LILRB1: variants seen among roughly 807,000 people sequenced by gnomAD.
LILRB1 encodes the protein leukocyte immunoglobulin-like receptor subfamily B member 1.
In LILRB1, 59 loss-of-function variants were observed where a neutral mutation model predicts 74.6. The observed-to-expected ratio is 0.79, with a 90% confidence interval of 0.64 to 0.98. The LOEUF (loss-of-function observed/expected upper bound fraction) is 0.98. LILRB1 is among the 50% of genes least tolerant of loss of function. The probability of loss-of-function intolerance (pLI) is 0.00; values close to 1 mark genes in which losing one functional copy is unlikely to be tolerated. For missense variants in LILRB1, 804 were observed against 822.6 expected (o/e 0.98, Z 0.28); for synonymous variants, 328 against 333.9 (o/e 0.98, Z 0.19).
intron 6 of LILRB1, 53 bp downstream of exon 6, chr19:54,632,813 CG>C: frequency 7.7e-7 from 1 of 1,294,048 alleles, no homozygotes; most frequent in Non-Finnish European, 1.0e-6. Flanking sequence ...CAGGCCCTGC[CG>C]GGGGAGCTCA....
Position 54,637,006 on chromosome 19 carries a change from T to C in LILRB1, c.*128T>C. On this transcript the variant is annotated 3_prime_UTR_variant, in exon 15 of 15. Transcript: ENST00000324602. Reference sequence around the variant, plus strand: ...AGGAGACTCTGGGAACTTTTAGGGGTCACTCAATTCTGCAGTATAAATAAC... The same window carrying C: ...AGGAGACTCTGGGAACTTTTAGGGGCCACTCAATTCTGCAGTATAAATAAC... 9.1e-7 allele frequency: 1 copy of C among 1,094,352 alleles called. No individual in the cohort carries two copies. The highest frequency in any genetic ancestry group is 1.6e-5 in the African/African-American group (1 of 63,186). 67.8% of individuals were successfully genotyped at this position (1,094,352 alleles called of 1,614,324 possible). A position where few individuals can be genotyped will look rare whatever the true frequency, so the allele number is the denominator to read the frequency against.
At position 54,632,509 on chromosome 19, in the gene LILRB1, T is replaced by C. The variant is rs2063967510; in HGVS notation, c.707T>C (p.Val236Ala). 5 of 1,613,842 alleles carry C rather than the reference T, an allele frequency of 3.1e-6. No homozygotes were observed. The highest frequency in any genetic ancestry group is 4.2e-6 in the Non-Finnish European group (5 of 1,179,874). ...PSLSVQPGPIVAPEETLTLQC... is the reference protein window; with the variant it reads ...PSLSVQPGPIAAPEETLTLQC... Reference sequence around the variant, plus strand: ...CTCTCAGTGCAGCCAGGTCCTATCGTGGCCCCTGAGGAGACCCTGACTCTG... The same window carrying C: ...CTCTCAGTGCAGCCAGGTCCTATCGCGGCCCCTGAGGAGACCCTGACTCTG... Residue 236 changes from valine (V) to alanine (A), a missense_variant, in exon 6 of 15, where the codon GTG (valine) becomes GCG (alanine). Coordinates refer to ENST00000324602, the MANE Select transcript of LILRB1 (RefSeq NM_001081637.3).
chr19:54,632,909 T>G (rs1364262345), intron 6 of LILRB1, 107 bp from the exon 7 acceptor site: 65 of 1,546,690 alleles, frequency 4.2e-5, no homozygotes, highest in Non-Finnish European at 5.4e-5. Context: ...AGGGGGAGAC[T>G]CAGAGAAAAC....
chr19:54,631,792 G>A lies in LILRB1; in HGVS notation c.358+5G>A, dbSNP rs768252809. The A allele has an allele frequency of 6.2e-7, 1 of 1,613,912 alleles. No homozygotes were observed. The highest frequency in any genetic ancestry group is 8.5e-7 in the Non-Finnish European group (1 of 1,179,822). ...CCCTGGAGCTGGTGGTGACAGGTGA[G>A]CTGACACTCAGGGGTCCCAGCCCCA... is the stretch of plus-strand genomic sequence containing the variant. On this transcript the variant is annotated splice_donor_5th_base_variant and intron_variant, in intron 4 of 14. Coordinates refer to ENST00000324602, the MANE Select transcript of LILRB1 (RefSeq NM_001081637.3).
upstream of LILRB1, among the ~76,000 whole-genome samples, chr19:54,616,527 G>C (rs1475897198): frequency 6.6e-6 from 1 of 152,150 alleles, no homozygotes; most frequent in Non-Finnish European, 1.5e-5. Flanking sequence ...AAGCCTCCAG[G>C]ATTTTGAGCT....
intron 1 of LILRB1, among the ~76,000 whole-genome samples, chr19:54,621,250 C>A (rs546454362): frequency 2.0e-5 from 2 of 97,752 alleles, no homozygotes; most frequent in African/African-American, 5.8e-5. Flanking sequence ...AATGGTAGTT[C>A]TATTTTTAGT....
chr19:54,635,104 C>A lies in LILRB1; in HGVS notation c.1487C>A (p.Thr496Asn). 2.6e-6 allele frequency: 4 copies of A among 1,565,986 alleles called. No individual in the cohort carries two copies. The highest frequency in any genetic ancestry group is 3.5e-6 in the Non-Finnish European group (4 of 1,146,764). The change falls in exon 11 of 15, where the codon ACC becomes AAC. Residue 496 changes from threonine to asparagine, a missense_variant and splice_region_variant. Thr to Asn is a moderately conservative substitution (Grantham distance 65, BLOSUM62 0). Transcript: ENST00000324602. ...HRRQGKHWTS[T>N]QRKADFQHPA... ...TGAGGCTCTGTCCTTCTTCCCCCAG[C>A]CCAGAGAAAGGCTGATTTCCAACAT...
At chr19:54,629,271 C>G (rs4112254), upstream of LILRB1, among the ~76,000 whole-genome samples, 90,033 of 151,916 alleles carry the variant, frequency 0.59, 27,649 homozygotes, top group South Asian at 0.7. Context: ...GTGCATGTAG[C>G]GGGTACTGAA....
intron 1 of LILRB1, among the ~76,000 whole-genome samples, chr19:54,619,184 A>G (rs1343768913): frequency 6.6e-6 from 1 of 152,144 alleles, no homozygotes; most frequent in Non-Finnish European, 1.5e-5. Context: ...AAAGATGAAA[A>G]GGAAAGTAAT....
At chr19:54,629,399 C>T (rs2146220588), upstream of LILRB1, among the ~76,000 whole-genome samples, 1 of 152,262 alleles carries the variant, frequency 6.6e-6, no homozygotes. Context: ...CCCAGTGTCT[C>T]CTTGTCCATC....
rs373776970 is a variant in LILRB1 at position 54,632,714 on chromosome 19, C to T, written c.912C>T (p.Ser304=). The T allele has an allele frequency of 1.2e-5, 20 of 1,612,280 alleles. No individual in the cohort carries two copies. In the African/African-American group the frequency reaches 2.3e-4, roughly 18 times the overall value. ...QYRCYGAHNL[S]SEWSAPSDPL... ...GATGCTACGGTGCACACAACCTCTC[C>T]TCCGAGTGGTCGGCCCCCAGCGACC... Residue 304 remains serine, a synonymous_variant, in exon 6 of 15, where the codon TCC becomes TCT. Coordinates refer to ENST00000324602, the MANE Select transcript of LILRB1 (RefSeq NM_001081637.3).
In LILRB1 at chr19:54,633,250, A is replaced by G. The variant is rs756925421; in HGVS notation, c.1193A>G (p.Tyr398Cys). The change falls in exon 7 of 15, where the codon TAC (tyrosine) becomes TGC (cysteine). Residue 398 changes from tyrosine (Y) to cysteine (C), a missense_variant. Physicochemically the swap from Tyr to Cys is radical, Grantham distance 194. Transcript: ENST00000324602. ...GCCCATGCGGGGACCTACAGGTGCTACGGCTCACAGAGCTCCAAACCCTAC... is the reference window on the plus strand; with the variant it reads ...GCCCATGCGGGGACCTACAGGTGCTGCGGCTCACAGAGCTCCAAACCCTAC... ...TSAHAGTYRC[Y>C]GSQSSKPYLL... 1.2e-6 allele frequency: 2 copies of G among 1,614,030 alleles called. No homozygotes were observed. The highest frequency in any genetic ancestry group is 1.7e-6 in the Non-Finnish European group (2 of 1,179,960).
Position 54,636,944 on chromosome 19 carries a change from G to T in LILRB1, c.*66G>T. The T allele has an allele frequency of 6.3e-7, 1 of 1,593,572 alleles. No individual in the cohort carries two copies. The highest frequency in any genetic ancestry group is 8.6e-7 in the Non-Finnish European group (1 of 1,166,488). On this transcript the variant is annotated 3_prime_UTR_variant, in exon 15 of 15. Coordinates refer to ENST00000324602, the MANE Select transcript of LILRB1 (RefSeq NM_001081637.3). ...AATGCATGGGAGCTGCCCCCCCAGT[G>T]GACACCATTGGACCCCACCCAGCCT...
chr19:54,617,111 T>A (rs988010604), upstream of LILRB1: 5 of 151,684 alleles, frequency 3.3e-5, no homozygotes, highest in East Asian at 1.9e-4. Context: ...TGTGACCCAC[T>A]GCACAAACCT....
rs2063746871 is a variant in LILRB1 at position 54,630,552 on chromosome 19, T to C, written c.-130T>C. 3.4e-6 allele frequency: 2 copies of C among 591,256 alleles called. No individual in the cohort carries two copies. Among genetic ancestry groups the C allele is most frequent in the East Asian group, 5.4e-5 (1 of 18,474 alleles). The allele number at this position is 591,256 out of a possible 1,614,324, so 36.6% of individuals were successfully genotyped here. On this transcript the variant is annotated 5_prime_UTR_variant, in exon 1 of 15. Coordinates refer to ENST00000324602, the MANE Select transcript of LILRB1 (RefSeq NM_001081637.3). Reference sequence around the variant, plus strand: ...GCGGCACAGCCAGATGCGAGATGCGTCTCTGCTGATCTGAGTCTGCCTGCA... The same window carrying C: ...GCGGCACAGCCAGATGCGAGATGCGCCTCTGCTGATCTGAGTCTGCCTGCA...
chr19:54,633,809 C>G, intron 8 of LILRB1, 121 bp downstream of exon 8: 2 of 1,456,700 alleles, frequency 1.4e-6, no homozygotes, highest in Non-Finnish European at 1.8e-6. Flanking sequence ...CCGGGCAGAG[C>G]CAGAGGAGGG....
In LILRB1 at chr19:54,633,053, G is replaced by T. The variant is rs12986308; in HGVS notation, c.996G>T (p.Pro332=). 1.2e-6 allele frequency: 2 copies of T among 1,613,838 alleles called. No individual in the cohort carries two copies. Among genetic ancestry groups the T allele is most frequent in the African/African-American group, 2.7e-5 (2 of 74,886 alleles). The part of the protein sequence containing the change: ...FYDRVSLSVQ[P]GPTVASGENV... ...ACAGAGTCTCCCTCTCGGTGCAGCC[G>T]GGCCCCACGGTGGCCTCAGGAGAGA... Residue 332 remains proline, a synonymous_variant, in exon 7 of 15, where the codon CCG becomes CCT. Coordinates refer to ENST00000324602, the MANE Select transcript of LILRB1 (RefSeq NM_001081637.3).
In LILRB1 at chr19:54,631,589, G is replaced by A. The variant is rs1181433469; in HGVS notation, c.160G>A (p.Glu54Lys). ...GACCCTCAGGTGTCAGGGGGGCCAG[G>A]AGACCCAGGAGTACCGTCTATATAG... ...PVTLRCQGGQ[E>K]TQEYRLYREK... Residue 54 changes from glutamate (E) to lysine (K), a missense_variant, in exon 4 of 15, where the codon GAG becomes AAG. Physicochemically the swap from Glu to Lys is moderately conservative, Grantham distance 56. Transcript: ENST00000324602. 5 of 1,613,646 alleles carry A rather than the reference G, an allele frequency of 3.1e-6. No individual in the cohort carries two copies. Among genetic ancestry groups the A allele is most frequent in the Admixed American group, 3.3e-5 (2 of 60,012 alleles).
chr19:54,629,812 C>T (rs1442411443), upstream of LILRB1, among the ~76,000 whole-genome samples: 2 of 133,998 alleles, frequency 1.5e-5, no homozygotes, highest in South Asian at 4.7e-4. Flanking sequence ...TCTGTTCTTT[C>T]CTGTGGATCC....
Sources: gnomAD v4.1 joint callset for allele counts (sites outside exome capture counted in the v4.1 genomes callset) on GRCh38, gnomAD v4.1.1 for gene constraint, MANE v1.5 for transcripts, NCBI Gene and HGNC (gene_info 2026-07-23, HGNC 2026-07-21) for gene names.